MAPK10: variants seen among roughly 807,000 people sequenced by gnomAD.
MAPK10 encodes JNK3 alpha protein kinase.
MAPK10 carries 25 observed loss-of-function variants against 59.3 expected under a neutral mutation model. That is an observed-to-expected ratio of 0.42 (90% confidence interval 0.31 to 0.59). The LOEUF is 0.59. Among genes scored for constraint, MAPK10 ranks in the 20% least tolerant of loss-of-function variants. MAPK10 has a pLI of 0.15. For synonymous variants in MAPK10, 190 were observed against 200.5 expected, an observed-to-expected ratio of 0.95 and a Z score of 0.44; for missense variants, 351 against 568.9, an observed-to-expected ratio of 0.62 and a Z score of 3.90.
intron 1 of MAPK10, among the ~76,000 whole-genome samples, chr4:86,430,494 C>T (rs527700571): frequency 5.3e-5 from 8 of 152,086 alleles, no homozygotes; most frequent in Non-Finnish European, 7.4e-5. Context: ...TTCCTGACAG[C>T]GCAAAGTTTA....
intron 3 of MAPK10, among the ~76,000 whole-genome samples, chr4:86,171,625 T>C (rs1203128337): frequency 6.6e-6 from 1 of 152,312 alleles, no homozygotes. Flanking sequence ...ATAAAAACCC[T>C]AGGAGAAAAC....
At chr4:86,160,608 T>C (rs577987013) in intron 3 of MAPK10, 1 of 152,112 alleles carries the variant, frequency 6.6e-6, no homozygotes, top group South Asian at 2.1e-4. Flanking sequence ...AGAATGCTGG[T>C]TGTCCTACAA....
At chr4:86,281,744 A>G (rs1156502689) in intron 2 of MAPK10, among the ~76,000 whole-genome samples, 1 of 152,028 alleles carries the variant, frequency 6.6e-6, no homozygotes, top group Non-Finnish European at 1.5e-5. Context: ...TGCCCAGAAC[A>G]CAAGTTTTTC....
chr4:86,212,556 T>C (rs2086142980), intron 2 of MAPK10, among the ~76,000 whole-genome samples: 1 of 152,054 alleles, frequency 6.6e-6, no homozygotes, highest in African/African-American at 2.4e-5. Flanking sequence ...ATGCAAATAG[T>C]AACCATAAAG....
At chr4:86,184,556 C>A (rs1674263602) in intron 3 of MAPK10, among the ~76,000 whole-genome samples, 1 of 152,072 alleles carries the variant, frequency 6.6e-6, no homozygotes, top group African/African-American at 2.4e-5. Flanking sequence ...AAATGTAATC[C>A]TCAGTGCTGC....
At chr4:86,554,736 C>G (rs1760119809) in intron 1 of MAPK10, among the ~76,000 whole-genome samples, 1 of 152,176 alleles carries the variant, frequency 6.6e-6, no homozygotes, top group Non-Finnish European at 1.5e-5. Flanking sequence ...TCTTACCAAA[C>G]AAATATGATT....
intron 1 of MAPK10, among the ~76,000 whole-genome samples, chr4:86,443,993 C>A (rs1457994719): frequency 6.6e-6 from 1 of 151,086 alleles, no homozygotes; most frequent in East Asian, 1.9e-4. Flanking sequence ...GGGAAAGAAT[C>A]TGAGTTTGAG....
chr4:86,302,226 A>G (rs1279881234), intron 2 of MAPK10, among the ~76,000 whole-genome samples: 1 of 152,226 alleles, frequency 6.6e-6, no homozygotes, highest in Admixed American at 6.5e-5. Context: ...AATATTATTA[A>G]TAAATTACTG....
chr4:86,095,052 T>C (rs1580153877), intron 9 of MAPK10: 2 of 152,004 alleles, frequency 1.3e-5, no homozygotes, highest in Admixed American at 1.3e-4. Context: ...AGAAACACTT[T>C]ACACAAGAAA....
At chr4:86,569,897 C>T (rs983901167) in intron 1 of MAPK10, among the ~76,000 whole-genome samples, 3 of 152,010 alleles carry the variant, frequency 2.0e-5, no homozygotes, top group African/African-American at 7.2e-5. Flanking sequence ...CCCAGATTTC[C>T]CCACTACACA....
At chr4:86,524,276 G>A (rs757906142) in intron 1 of MAPK10, among the ~76,000 whole-genome samples, 1 of 152,086 alleles carries the variant, frequency 6.6e-6, no homozygotes, top group Middle Eastern at 3.2e-3. Flanking sequence ...ACACAAAATT[G>A]ACCAAGATAA....
intron 1 of MAPK10, among the ~76,000 whole-genome samples, chr4:86,391,888 C>T (rs112444801): frequency 1.6e-4 from 24 of 152,304 alleles, no homozygotes; most frequent in African/African-American, 5.5e-4. Flanking sequence ...AAAATTATCT[C>T]TACCTTAGGG....
chr4:86,203,465 C>T (rs1164665262), intron 2 of MAPK10, among the ~76,000 whole-genome samples: 1 of 151,508 alleles, frequency 6.6e-6, no homozygotes, highest in African/African-American at 2.4e-5. Context: ...TTGTTCTGGG[C>T]AGCTCCAGGA....
At chr4:86,280,670 T>C (rs1469340716) in intron 2 of MAPK10, among the ~76,000 whole-genome samples, 1 of 151,990 alleles carries the variant, frequency 6.6e-6, no homozygotes, top group Admixed American at 6.6e-5. Flanking sequence ...ATATTCACAA[T>C]AGCAAAGACA....
At chr4:86,294,934 C>G (rs2095318761) in intron 2 of MAPK10, among the ~76,000 whole-genome samples, 1 of 152,184 alleles carries the variant, frequency 6.6e-6, no homozygotes, top group Non-Finnish European at 1.5e-5. Flanking sequence ...GAGCTCAAAC[C>G]AGGCTAGATA....
intron 2 of MAPK10, among the ~76,000 whole-genome samples, chr4:86,291,145 G>A (rs1206282311): frequency 1.3e-5 from 2 of 152,200 alleles, no homozygotes; most frequent in African/African-American, 2.4e-5. Context: ...ACCTGTGCAT[G>A]ATAGCAAAAA....
intron 11 of MAPK10, among the ~76,000 whole-genome samples, chr4:86,046,055 G>A (rs1310734269): frequency 6.6e-6 from 1 of 150,524 alleles, no homozygotes; most frequent in Non-Finnish European, 1.5e-5. Context: ...CAACTTACAA[G>A]GGATGTGAAG....
At chr4:86,038,138 C>T (rs1354586116) in intron 11 of MAPK10, among the ~76,000 whole-genome samples, 1 of 152,200 alleles carries the variant, frequency 6.6e-6, no homozygotes, top group Admixed American at 6.5e-5. Flanking sequence ...TTTGATTCTT[C>T]TTTGAGCCCT....
At chr4:86,029,055 T>C (rs1166583143) in intron 13 of MAPK10, 142 bp downstream of exon 13, 2 of 749,192 alleles carry the variant, frequency 2.7e-6, no homozygotes, top group Non-Finnish European at 2.4e-6. Context: ...GAAATAAAAC[T>C]AAAATCATTA....
Sources: gnomAD v4.1 joint callset for allele counts (sites outside exome capture counted in the v4.1 genomes callset) on GRCh38, gnomAD v4.1.1 for gene constraint, MANE v1.5 for transcripts, NCBI Gene and HGNC (gene_info 2026-07-23, HGNC 2026-07-21) for gene names.